The following MAST4 variants were observed in gnomAD, a reference collection of about 807,000 sequenced individuals.
MAST4 encodes the protein microtubule-associated serine/threonine-protein kinase 4.
In MAST4, 89 loss-of-function variants were observed where a neutral mutation model predicts 162.7. The ratio of observed to expected loss-of-function variants is 0.55; its 90% CI spans 0.46 to 0.65. The LOEUF is 0.65. Ranked by LOEUF, MAST4 falls within the 30% of genes least tolerant of loss-of-function variation. MAST4 has a pLI of 0.00. For synonymous variants in MAST4, 1,479 were observed against 1,361.1 expected (o/e 1.09, Z -1.91); for missense variants, 3,153 against 3,374.0 (o/e 0.93, Z 1.62).
rs1237231425 is a variant in MAST4, at chr5:67,163,906, T to A, written c.4727T>A (p.Val1576Asp). Residue 1576 changes from valine (V) to aspartate (D), a missense_variant, in exon 29 of 29, where the codon GTC becomes GAC. Physicochemically the swap from Val to Asp is radical, Grantham distance 152. This residue lies in a region of MAST4 where 1,644 missense variants were observed against 1,495.0 expected (regional missense o/e 1.10). Coordinates refer to ENST00000403625, the MANE Select transcript of MAST4 (RefSeq NM_001164664.2). The surrounding 1 kb of genome is among the most constrained non-coding windows in gnomAD (Gnocchi z 7.0). ...LFKLEEREKK[V>D]YPKAVERSST... The stretch of plus-strand genomic sequence containing the variant: ...AAGCTGGAAGAGAGAGAGAAGAAAG[T>A]CTATCCGAAGGCTGTGGAAAGGTCA... The A allele has an allele frequency of 6.2e-7, 1 of 1,613,950 alleles. No individual in the cohort carries two copies. The highest frequency in any genetic ancestry group is 1.1e-5 in the South Asian group (1 of 91,070).
chr5:67,078,928 A>ATTTT lies in MAST4; in HGVS notation c.764-11233_764-11232insTTTT, dbSNP rs1390595336. Among the ~76,000 whole-genome samples, 28 of 84,476 alleles carry ATTTT rather than the reference A, an allele frequency of 3.3e-4. 1 individual carries two copies. Among genetic ancestry groups the ATTTT allele is most frequent in the South Asian group, 1.6e-3 (5 of 3,046 alleles). 55.4% of individuals were successfully genotyped at this position (84,476 alleles called of 152,430 possible). Reference sequence around the variant, plus strand: ...TTTATATAAATATATATATATATATATATATATATATATATATATATATGG... The same window carrying ATTTT: ...TTTATATAAATATATATATATATATATTTTTATATATATATATATATATATATGG... On this transcript the variant is annotated intron_variant, in intron 5 of 28. Transcript: ENST00000403625.
At chr5:66,996,358 T>C (rs976177478) in intron 4 of MAST4, among the ~76,000 whole-genome samples, 1 of 152,188 alleles carries the variant, frequency 6.6e-6, no homozygotes, top group African/African-American at 2.4e-5. Context: ...TATCTTAATG[T>C]AGATCATAGA....
At chr5:66,651,590 A>G (rs1746223729) in intron 1 of MAST4, among the ~76,000 whole-genome samples, 1 of 152,122 alleles carries the variant, frequency 6.6e-6, no homozygotes, top group Non-Finnish European at 1.5e-5. Context: ...GATAAAAGAT[A>G]GATTACTTTA....
At chr5:66,933,884 G>A (rs1489202018) in intron 4 of MAST4, among the ~76,000 whole-genome samples, 1 of 151,814 alleles carries the variant, frequency 6.6e-6, no homozygotes, top group Non-Finnish European at 1.5e-5. Context: ...TTGAGATGAG[G>A]TCTTGCTGTG....
intron 4 of MAST4, among the ~76,000 whole-genome samples, chr5:66,939,389 C>T (rs2150097554): frequency 6.6e-6 from 1 of 152,198 alleles, no homozygotes; most frequent in South Asian, 2.1e-4. Flanking sequence ...CATCTTTTTC[C>T]ATATCCTTGC....
chr5:67,048,636 G>A (rs1253703046), intron 4 of MAST4, among the ~76,000 whole-genome samples: 1 of 152,006 alleles, frequency 6.6e-6, no homozygotes, highest in Non-Finnish European at 1.5e-5. Context: ...AAATATTTGA[G>A]GTCATCTTTC....
chr5:67,096,073 G>T (rs760737213), intron 7 of MAST4, among the ~76,000 whole-genome samples: 14 of 151,714 alleles, frequency 9.2e-5, no homozygotes, highest in Non-Finnish European at 1.8e-4. Flanking sequence ...TTAGATAGAG[G>T]TTTGTTTTGT....
At chr5:66,819,930 T>C (rs1756913421) in intron 3 of MAST4, among the ~76,000 whole-genome samples, 1 of 151,442 alleles carries the variant, frequency 6.6e-6, no homozygotes, top group African/African-American at 2.4e-5. Flanking sequence ...CACAGCACCA[T>C]ACCCAGCTAA....
At chr5:66,733,283 C>G (rs1020395167) in intron 1 of MAST4, among the ~76,000 whole-genome samples, 1 of 152,142 alleles carries the variant, frequency 6.6e-6, no homozygotes, top group Non-Finnish European at 1.5e-5. Context: ...CTCCCGCTCC[C>G]TCTAACTTTC....
intron 3 of MAST4, among the ~76,000 whole-genome samples, chr5:66,882,478 C>G (rs1285896732): frequency 2.0e-5 from 3 of 151,920 alleles, no homozygotes; most frequent in Non-Finnish European, 4.4e-5. Flanking sequence ...ATTATTTTGA[C>G]TTAACTGTAC....
intron 4 of MAST4, among the ~76,000 whole-genome samples, chr5:67,012,084 A>T (rs1443639250): frequency 1.3e-5 from 2 of 152,068 alleles, no homozygotes; most frequent in African/African-American, 4.8e-5. Context: ...GTGCACAGTG[A>T]TGGGTAGAAC....
intron 1 of MAST4, among the ~76,000 whole-genome samples, chr5:66,700,635 G>C (rs1488691638): frequency 6.6e-6 from 1 of 151,760 alleles, no homozygotes; most frequent in Admixed American, 6.6e-5. Flanking sequence ...AGTGAGCCGA[G>C]ATCATGCCAT....
chr5:66,741,981 T>C (rs1447799422), intron 1 of MAST4, among the ~76,000 whole-genome samples: 1 of 152,244 alleles, frequency 6.6e-6, no homozygotes, highest in East Asian at 1.9e-4. Context: ...TGTTATATAC[T>C]AGAGCCCTAG....
chr5:66,773,031 G>A (rs535127464), intron 2 of MAST4, among the ~76,000 whole-genome samples: 2 of 152,084 alleles, frequency 1.3e-5, no homozygotes, highest in African/African-American at 4.8e-5. Context: ...CCTGTCACTC[G>A]AGCATACCCA....
At chr5:66,853,628 G>A (rs1759470666) in intron 3 of MAST4, among the ~76,000 whole-genome samples, 1 of 152,148 alleles carries the variant, frequency 6.6e-6, no homozygotes, top group Admixed American at 6.5e-5. Flanking sequence ...AGAGGAGAAT[G>A]TAGACTTCAA....
intron 3 of MAST4, among the ~76,000 whole-genome samples, chr5:66,870,119 G>A (rs1266279737): frequency 5.9e-5 from 9 of 152,142 alleles, no homozygotes; most frequent in Admixed American, 5.9e-4. Flanking sequence ...GTATATGAGG[G>A]CATTAACAGG....
chr5:67,117,071 T>A (rs1767006454), intron 12 of MAST4, among the ~76,000 whole-genome samples: 1 of 152,312 alleles, frequency 6.6e-6, no homozygotes, highest in Admixed American at 6.5e-5. Flanking sequence ...ATTTATAGAA[T>A]TGTTTTGAGG....
chr5:66,752,146 A>G lies in MAST4; in HGVS notation c.364-7563A>G, dbSNP rs527851553. ...CCCTAAAAGAGCTCCTGAAGGAAAC[A>G]CTAAACATGGAAAGGAACAACCGGT... On this transcript the variant is annotated intron_variant, in intron 1 of 28. Coordinates refer to ENST00000403625, the MANE Select transcript of MAST4 (RefSeq NM_001164664.2). Among the ~76,000 whole-genome samples, 1,017 of 151,390 alleles carry G rather than the reference A, an allele frequency of 6.7e-3. 8 individuals are homozygous for G. Among genetic ancestry groups the G allele is most frequent in the South Asian group, 0.033 (153 of 4,664 alleles).
At chr5:66,807,089 G>A (rs952971513) in intron 3 of MAST4, among the ~76,000 whole-genome samples, 4 of 152,218 alleles carry the variant, frequency 2.6e-5, no homozygotes, top group Non-Finnish European at 4.4e-5. Context: ...TACATGAGAT[G>A]TTTTGATACA....
Sources: allele counts gnomAD v4.1 joint callset (sites outside exome capture counted in the v4.1 genomes callset), GRCh38; gene constraint gnomAD v4.1.1; regional missense constraint gnomAD v4.1.1; non-coding constraint Gnocchi (gnomAD v3.1); transcripts MANE v1.5; gene names NCBI Gene and HGNC (gene_info 2026-07-23, HGNC 2026-07-21).